The following WWOX variants were observed in gnomAD, a reference collection of about 807,000 sequenced individuals.
The protein encoded by WWOX is WW domain-containing oxidoreductase.
Under a neutral mutation model 46.2 loss-of-function variants are expected in WWOX, and 69 were observed. The observed-to-expected ratio is 1.49, with a 90% confidence interval of 1.23 to 1.82. WWOX has a LOEUF of 1.82. Among genes scored for constraint, WWOX ranks in the 40% most tolerant of loss-of-function variants. The pLI is 0.00. For missense variants in WWOX, 919 were observed against 542.6 expected (o/e 1.69, Z -6.89); for synonymous variants, 359 against 202.6 (o/e 1.77, Z -6.56).
intron 8 of WWOX, among the ~76,000 whole-genome samples, chr16:79,005,442 C>T (rs916920034): frequency 6.6e-6 from 1 of 152,186 alleles, no homozygotes; most frequent in African/African-American, 2.4e-5. Context: ...GTCAGCAGAA[C>T]TGTATTTTCC....
At chr16:78,803,342 C>G (rs552957099) in intron 8 of WWOX, among the ~76,000 whole-genome samples, 1 of 152,024 alleles carries the variant, frequency 6.6e-6, no homozygotes, top group East Asian at 1.9e-4. Flanking sequence ...AGTCAAATTG[C>G]TCTTCATTCT....
rs370168363 is a variant in WWOX at position 78,489,186 on chromosome 16, A to G, written c.1056+56434A>G. Among the ~76,000 whole-genome samples the G allele has an allele frequency of 1.7e-4, 26 of 152,310 alleles. No homozygotes were observed. The East Asian group carries it at 3.9e-3, about 23-fold the overall frequency. ...AATCTCCCTCAGCCTCAGTTTCCCT[A>G]TCTGTGAAGTGAGTCTAACCAGGAT... On this transcript the variant is annotated intron_variant, in intron 8 of 8. Transcript: ENST00000566780.
intron 8 of WWOX, among the ~76,000 whole-genome samples, chr16:78,486,862 G>A (rs1232699196): frequency 1.3e-5 from 2 of 152,152 alleles, no homozygotes; most frequent in African/African-American, 2.4e-5. Flanking sequence ...ATGAGCCACC[G>A]CCCCCGACCA....
intron 8 of WWOX, among the ~76,000 whole-genome samples, chr16:78,746,037 G>A (rs1240450884): frequency 6.6e-6 from 1 of 152,160 alleles, no homozygotes; most frequent in Non-Finnish European, 1.5e-5. Flanking sequence ...ACAAGGAGAG[G>A]TGGAGGGGGG....
Position 78,491,945 on chromosome 16 carries a change from AT to A in WWOX, c.1056+59194del, listed in dbSNP as rs1207296856. Among the ~76,000 whole-genome samples the A allele has an allele frequency of 3.9e-5, 6 of 152,132 alleles. No individual in the cohort carries two copies. The East Asian group carries it at 1.2e-3, about 30-fold the overall frequency. On this transcript the variant is annotated intron_variant, in intron 8 of 8. Coordinates refer to ENST00000566780, the MANE Select transcript of WWOX (RefSeq NM_016373.4). ...CTGCAGCCCAGGGTGCTGCTTGTTGATGGACATCTTCACCTGACTTTCTCCC... is the reference window on the plus strand; with the variant it reads ...CTGCAGCCCAGGGTGCTGCTTGTTGAGGACATCTTCACCTGACTTTCTCCC...
At position 78,882,954 on chromosome 16, in the gene WWOX, T is replaced by A. The variant is rs377615471; in HGVS notation, c.1057-328654T>A. Among the ~76,000 whole-genome samples, 15 of 152,120 alleles carry A rather than the reference T, an allele frequency of 9.9e-5. No individual in the cohort carries two copies. In the East Asian group the frequency reaches 1.7e-3, roughly 18 times the overall value. On this transcript the variant is annotated intron_variant, in intron 8 of 8. Coordinates refer to ENST00000566780, the MANE Select transcript of WWOX (RefSeq NM_016373.4). ...AACCGGCACCAGCGATGTCGTAGGCTGAGGGAGAAGCCACAGAACTGTGAG... is the reference window on the plus strand; with the variant it reads ...AACCGGCACCAGCGATGTCGTAGGCAGAGGGAGAAGCCACAGAACTGTGAG...
chr16:78,819,748 C>G (rs1468402042), intron 8 of WWOX, among the ~76,000 whole-genome samples: 1 of 152,202 alleles, frequency 6.6e-6, no homozygotes, highest in East Asian at 1.9e-4. Context: ...CCCTGCATCA[C>G]CAGCACAGTG....
chr16:79,028,114 C>T (rs577393107), intron 8 of WWOX, among the ~76,000 whole-genome samples: 2 of 151,860 alleles, frequency 1.3e-5, no homozygotes, highest in East Asian at 3.9e-4. Flanking sequence ...CGACGCCTGG[C>T]TAATTTTTGT....
chr16:78,970,154 C>A (rs557281298), intron 8 of WWOX, among the ~76,000 whole-genome samples: 18 of 152,156 alleles, frequency 1.2e-4, no homozygotes, highest in Non-Finnish European at 2.2e-4. Flanking sequence ...TGGAATGGGC[C>A]TGTCACCTCT....
chr16:78,784,040 T>C (rs2142564993), intron 8 of WWOX, among the ~76,000 whole-genome samples: 1 of 152,228 alleles, frequency 6.6e-6, no homozygotes, highest in Admixed American at 6.5e-5. Context: ...ATGATGATGA[T>C]AGTGATGATG....
chr16:78,323,926 C>G (rs570714296), intron 5 of WWOX, among the ~76,000 whole-genome samples: 1 of 152,244 alleles, frequency 6.6e-6, no homozygotes, highest in East Asian at 1.9e-4. Flanking sequence ...AGCATAGATG[C>G]CCCTTTACTG....
intron 8 of WWOX, among the ~76,000 whole-genome samples, chr16:78,780,154 C>T (rs1245928806): frequency 6.6e-6 from 1 of 152,152 alleles, no homozygotes; most frequent in Non-Finnish European, 1.5e-5. Flanking sequence ...ATGCTATGGT[C>T]ACCTGCATCC....
At chr16:78,501,695 C>T (rs977541757) in intron 8 of WWOX, among the ~76,000 whole-genome samples, 5 of 152,136 alleles carry the variant, frequency 3.3e-5, no homozygotes, top group Non-Finnish European at 5.9e-5. Flanking sequence ...CGCCACCATG[C>T]TTGGGTAATT....
At chr16:79,110,322 G>A (rs572837288) in intron 8 of WWOX, among the ~76,000 whole-genome samples, 8 of 151,760 alleles carry the variant, frequency 5.3e-5, no homozygotes, top group Admixed American at 1.3e-4. Context: ...TTTTCTCCCC[G>A]ACATGCCCCT....
At position 79,170,440 on chromosome 16, in the gene WWOX, C is replaced by G. The variant is rs566865082; in HGVS notation, c.1057-41168C>G. The stretch of plus-strand genomic sequence containing the variant: ...TTCTTATAGGGAGCATCCTGCAATA[C>G]AACTGTTAAGACCACTTAATGTTAT... On this transcript the variant is annotated intron_variant, in intron 8 of 8. Transcript: ENST00000566780. Among the ~76,000 whole-genome samples, 3 of 152,322 alleles carry G rather than the reference C, an allele frequency of 2.0e-5. No individual in the cohort carries two copies. In the South Asian group the frequency reaches 6.2e-4, roughly 32 times the overall value.
chr16:78,807,887 T>A (rs921350717), intron 8 of WWOX, among the ~76,000 whole-genome samples: 1 of 152,234 alleles, frequency 6.6e-6, no homozygotes, highest in African/African-American at 2.4e-5. Context: ...TTTCAAGTGC[T>A]CAGTAGCTAC....
intron 8 of WWOX, among the ~76,000 whole-genome samples, chr16:78,744,739 G>A: frequency 6.6e-6 from 1 of 152,042 alleles, no homozygotes; most frequent in Non-Finnish European, 1.5e-5. Flanking sequence ...TCTATTACCA[G>A]CCTGCACTGC....
intron 4 of WWOX, among the ~76,000 whole-genome samples, chr16:78,116,546 A>G (rs1322539909): frequency 6.6e-6 from 1 of 152,196 alleles, no homozygotes. Context: ...TGGGCTCCAA[A>G]TATGTTCAAT....
At chr16:79,160,156 G>C (rs2050457317) in intron 8 of WWOX, among the ~76,000 whole-genome samples, 1 of 152,216 alleles carries the variant, frequency 6.6e-6, no homozygotes, top group Non-Finnish European at 1.5e-5. Context: ...GTGAGGCCGA[G>C]AACATCCAAA....
Sources: gnomAD v4.1 joint callset for allele counts (sites outside exome capture counted in the v4.1 genomes callset) on GRCh38, gnomAD v4.1.1 for gene constraint, MANE v1.5 for transcripts, NCBI Gene and HGNC (gene_info 2026-07-23, HGNC 2026-07-21) for gene names.